Variants in CCDC170 observed in about 807,000 individuals in gnomAD.
CCDC170 encodes coiled-coil domain containing 170, also known as coiled-coil domain-containing protein 170.
CCDC170 carries 69 observed loss-of-function variants against 72.6 expected under a neutral mutation model. The observed-to-expected ratio is 0.95, with a 90% CI of 0.78 to 1.16. The LOEUF (loss-of-function observed/expected upper bound fraction) is 1.16. Ranked by LOEUF, CCDC170 falls within the 50% of genes most tolerant of loss-of-function variation. The pLI is 0.00. For synonymous variants in CCDC170, 300 were observed against 303.9 expected, an observed-to-expected ratio of 0.99 and a Z score of 0.13; for missense variants, 852 against 832.5, an observed-to-expected ratio of 1.02 and a Z score of -0.29.
chr6:151,494,114 C>G lies in CCDC170; in HGVS notation c.-15C>G. ...CCGGTTCCGGGTCCGAGCGCGCCCCCGGGCTCGGGTCGTCATGAGCCTGGA... is the reference window on the plus strand; with the variant it reads ...CCGGTTCCGGGTCCGAGCGCGCCCCGGGGCTCGGGTCGTCATGAGCCTGGA... On this transcript the variant is annotated 5_prime_UTR_variant, in exon 1 of 11. Transcript: ENST00000239374. 2 of 1,494,706 alleles carry G rather than the reference C, an allele frequency of 1.3e-6. No individual in the cohort carries two copies. Among genetic ancestry groups the G allele is most frequent in the Non-Finnish European group, 1.8e-6 (2 of 1,129,378 alleles). The allele number at this position is 1,494,706 out of a possible 1,614,324, so 92.6% of individuals were successfully genotyped here.
intron 6 of CCDC170, among the ~76,000 whole-genome samples, chr6:151,580,062 C>G (rs901997042): frequency 5.9e-5 from 9 of 152,144 alleles, no homozygotes; most frequent in Non-Finnish European, 1.2e-4. Context: ...CTCCCTTAGT[C>G]TAACTTACTG....
intron 6 of CCDC170, 57 bp downstream of exon 6, chr6:151,573,548 G>T (rs1203776338): frequency 6.7e-7 from 1 of 1,489,956 alleles, no homozygotes; most frequent in African/African-American, 1.4e-5. Flanking sequence ...CATTCATTTA[G>T]CATGCTCAGT....
intron 5 of CCDC170, among the ~76,000 whole-genome samples, chr6:151,562,736 G>A (rs1295983391): frequency 6.6e-6 from 1 of 152,184 alleles, no homozygotes; most frequent in African/African-American, 2.4e-5. Context: ...CTGCAGTCCA[G>A]TAAATGGTGC....
chr6:151,505,001 G>C (rs961894943), intron 1 of CCDC170, among the ~76,000 whole-genome samples: 1 of 152,100 alleles, frequency 6.6e-6, no homozygotes, highest in Non-Finnish European at 1.5e-5. Context: ...AGAGTAAGGA[G>C]GATTCCCCAG....
intron 1 of CCDC170, among the ~76,000 whole-genome samples, chr6:151,531,468 G>A (rs1388131766): frequency 6.6e-6 from 1 of 152,094 alleles, no homozygotes; most frequent in Non-Finnish European, 1.5e-5. Context: ...GCCAGGTGTG[G>A]TGGCACATGC....
chr6:151,521,775 A>G (rs577140517), intron 1 of CCDC170, among the ~76,000 whole-genome samples: 103 of 152,046 alleles, frequency 6.8e-4, no homozygotes, highest in Non-Finnish European at 1.2e-3. Context: ...CGAGGTCAGG[A>G]GATAGCGACC....
At chr6:151,550,380 A>G (rs1039438791) in intron 5 of CCDC170, among the ~76,000 whole-genome samples, 2 of 152,234 alleles carry the variant, frequency 1.3e-5, no homozygotes, top group Admixed American at 6.5e-5. Context: ...TGGTGGGTGC[A>G]GGAGAAGGAG....
intron 5 of CCDC170, among the ~76,000 whole-genome samples, chr6:151,572,340 G>A (rs571943081): frequency 6.6e-6 from 1 of 152,258 alleles, no homozygotes; most frequent in Admixed American, 6.5e-5. Context: ...TTTATGCAAT[G>A]ATGTTTTTAT....
At chr6:151,558,117 TAAAC>T (rs1245704204) in intron 5 of CCDC170, among the ~76,000 whole-genome samples, 2 of 151,938 alleles carry the variant, frequency 1.3e-5, no homozygotes, top group Non-Finnish European at 2.9e-5. Flanking sequence ...AATAAATAAA[TAAAC>T]CTTTGGCCAT....
chr6:151,555,828 A>T (rs559326207), intron 5 of CCDC170, among the ~76,000 whole-genome samples: 33 of 152,342 alleles, frequency 2.2e-4, no homozygotes, highest in Admixed American at 7.2e-4. Flanking sequence ...ACAGCCTTAG[A>T]TCTTTCAAAC....
In CCDC170 at chr6:151,538,450, G is replaced by A. The variant is rs184432691; in HGVS notation, c.443+149G>A. On this transcript the variant is annotated intron_variant, in intron 3 of 10. Transcript: ENST00000239374. ...AAAGTTATTGACCTCAAATATCTTT[G>A]GAGTCTTGACAAATTTTTCCAAGGC... The A allele has an allele frequency of 1.1e-5, 9 of 790,174 alleles. No homozygotes were observed. In the East Asian group the frequency reaches 2.1e-4, roughly 18 times the overall value. The allele number at this position is 790,174 out of a possible 1,614,324, so 48.9% of individuals were successfully genotyped here. A position where few individuals can be genotyped will look rare whatever the true frequency, so the allele number is the denominator to read the frequency against.
intron 9 of CCDC170, among the ~76,000 whole-genome samples, chr6:151,597,719 C>T (rs992146504): frequency 7.2e-5 from 11 of 152,188 alleles, no homozygotes; most frequent in Non-Finnish European, 1.3e-4. Context: ...GAAATGGAAA[C>T]TTACAAGAAT....
chr6:151,555,171 C>T (rs552181760), intron 5 of CCDC170, among the ~76,000 whole-genome samples: 1 of 152,010 alleles, frequency 6.6e-6, no homozygotes, highest in East Asian at 1.9e-4. Flanking sequence ...TGTGAGCCAC[C>T]GTGCCCAGCC....
At chr6:151,573,927 G>A (rs1190088599) in intron 6 of CCDC170, among the ~76,000 whole-genome samples, 1 of 152,186 alleles carries the variant, frequency 6.6e-6, no homozygotes, top group African/African-American at 2.4e-5. Flanking sequence ...AACCATATCA[G>A]TGACTTATCT....
intron 6 of CCDC170, among the ~76,000 whole-genome samples, chr6:151,581,622 GT>G (rs1291411048): frequency 6.6e-6 from 1 of 152,212 alleles, no homozygotes; most frequent in Admixed American, 6.5e-5. Context: ...GGTATCAAGA[GT>G]AGTGAATCCT....
chr6:151,606,228 CT>C (rs964767709), intron 9 of CCDC170, among the ~76,000 whole-genome samples: 26 of 152,112 alleles, frequency 1.7e-4, no homozygotes, highest in Non-Finnish European at 2.4e-4. Flanking sequence ...AAACAAAAAC[CT>C]TTTTATCATT....
In CCDC170 at chr6:151,615,579, A is replaced by T; in HGVS notation, c.1847A>T (p.Lys616Met). Residue 616 changes from lysine (K) to methionine (M), a missense_variant, in exon 10 of 11, where the codon AAG (lysine) becomes ATG (methionine). Transcript: ENST00000239374. ...SELDTTEHEA[K>M]ENKERARNMI... ...CTGGATACCACAGAACATGAGGCTA[A>T]GGAGAATAAAGAAAGGGCCAGAAAC... is the stretch of plus-strand genomic sequence containing the variant. 1 of 1,614,160 alleles carries T rather than the reference A, an allele frequency of 6.2e-7. No individual in the cohort carries two copies. The highest frequency in any genetic ancestry group is 1.7e-4 in the Middle Eastern group (1 of 6,058).
intron 1 of CCDC170, among the ~76,000 whole-genome samples, chr6:151,531,967 A>G (rs1782496778): frequency 6.6e-6 from 1 of 152,238 alleles, no homozygotes; most frequent in Admixed American, 6.5e-5. Flanking sequence ...CTACAATTCA[A>G]GATGATATTT....
rs375554870 is a variant in CCDC170 at position 151,618,117 on chromosome 6, C to T, written c.2118C>T (p.His706=). ...ATGTGACTACTGGGCAAGAGAGGCA[C>T]CCACAAGGCCATTTACAGCTTCTTC... is the stretch of plus-strand genomic sequence containing the variant. The part of the protein sequence containing the change: ...LKDVTTGQER[H]PQGHLQLLH Residue 706 remains histidine, a synonymous_variant, in exon 11 of 11, where the codon CAC becomes CAT. Transcript: ENST00000239374. 3.5e-5 allele frequency: 56 copies of T among 1,614,110 alleles called. No homozygotes were observed. The highest frequency in any genetic ancestry group is 2.2e-5 in the East Asian group (1 of 44,878).
Sources: allele counts gnomAD v4.1 joint callset (sites outside exome capture counted in the v4.1 genomes callset), GRCh38; gene constraint gnomAD v4.1.1; transcripts MANE v1.5; gene names NCBI Gene and HGNC (gene_info 2026-07-23, HGNC 2026-07-21).